SEZ6L: variants seen among roughly 807,000 people sequenced by gnomAD.
SEZ6L encodes seizure 6-like protein.
SEZ6L carries 37 observed loss-of-function variants against 106.2 expected under a neutral mutation model. The observed-to-expected ratio is 0.35, with a 90% CI of 0.27 to 0.46. SEZ6L has a LOEUF of 0.46. Ranked by LOEUF, SEZ6L falls within the 20% of genes least tolerant of loss-of-function variation. SEZ6L has a pLI of 1.00. For missense variants in SEZ6L, 1,172 were observed against 1,332.8 expected (o/e 0.88, Z 1.88); for synonymous variants, 541 against 570.4 (o/e 0.95, Z 0.73).
At chr22:26,294,484 A>G in intron 3 of SEZ6L, 59 bp downstream of exon 3, 1 of 1,560,716 alleles carries the variant, frequency 6.4e-7, no homozygotes. Context: ...TCTCAGGAGG[A>G]TTGTCTGAGT....
intron 1 of SEZ6L, among the ~76,000 whole-genome samples, chr22:26,226,458 C>T (rs191434067): frequency 4.6e-5 from 7 of 152,312 alleles, no homozygotes; most frequent in Non-Finnish European, 8.8e-5. Flanking sequence ...CTGTTGCTCC[C>T]AAACACCCTT....
At chr22:26,288,915 C>CAA (rs142640451) in intron 1 of SEZ6L, among the ~76,000 whole-genome samples, 3 of 150,886 alleles carry the variant, frequency 2.0e-5, no homozygotes, top group African/African-American at 4.9e-5. Flanking sequence ...CCAGATAACC[C>CAA]AAAAAAAAAC....
At position 26,372,477 on chromosome 22, in the gene SEZ6L, T is replaced by G. The variant is rs192690763; in HGVS notation, c.2795-974T>G. 4.5e-4 allele frequency among the ~76,000 whole-genome samples: 69 copies of G among 152,260 alleles called. No individual in the cohort carries two copies. The East Asian group carries it at 0.01, about 23-fold the overall frequency. The stretch of plus-strand genomic sequence containing the variant: ...GTTAGCCAGCTAGCTTTTCAGCTGG[T>G]TTTGTCATCATGGTGTGATGATGGC... On this transcript the variant is annotated intron_variant, in intron 13 of 16. Coordinates refer to ENST00000248933, the MANE Select transcript of SEZ6L (RefSeq NM_021115.5).
At chr22:26,356,336 T>A (rs560229242) in intron 12 of SEZ6L, among the ~76,000 whole-genome samples, 33 of 152,304 alleles carry the variant, frequency 2.2e-4, no homozygotes, top group African/African-American at 6.3e-4. Flanking sequence ...CGGTTTTTTT[T>A]ATTATTAAAT....
chr22:26,360,419 A>G (rs2083576210), intron 12 of SEZ6L, among the ~76,000 whole-genome samples: 1 of 152,254 alleles, frequency 6.6e-6, no homozygotes, highest in Admixed American at 6.5e-5. Context: ...ACATGAAGGC[A>G]GGGACCATGT....
chr22:26,187,427 C>T (rs960840733), intron 1 of SEZ6L, among the ~76,000 whole-genome samples: 1 of 152,198 alleles, frequency 6.6e-6, no homozygotes, highest in African/African-American at 2.4e-5. Context: ...AAATTTCATT[C>T]CACCAAGCCC....
intron 1 of SEZ6L, among the ~76,000 whole-genome samples, chr22:26,240,676 T>C (rs1417456076): frequency 1.3e-5 from 2 of 152,184 alleles, no homozygotes; most frequent in East Asian, 3.8e-4. Flanking sequence ...GTGGAGCACC[T>C]ACTGTGTGCC....
chr22:26,326,161 G>A (rs79929619), intron 9 of SEZ6L, among the ~76,000 whole-genome samples: 1,865 of 152,246 alleles, frequency 0.012, 61 homozygotes, highest in East Asian at 0.097. Flanking sequence ...GCCACGCCAC[G>A]CTCTTCTCGC....
chr22:26,322,311 C>G (rs894098572), intron 9 of SEZ6L, among the ~76,000 whole-genome samples: 3 of 152,174 alleles, frequency 2.0e-5, no homozygotes, highest in Admixed American at 2.0e-4. Context: ...GGAGCACACA[C>G]CGTAGCCTCC....
chr22:26,225,687 G>A (rs2078615117), intron 1 of SEZ6L, among the ~76,000 whole-genome samples: 2 of 152,226 alleles, frequency 1.3e-5, no homozygotes, highest in Non-Finnish European at 2.9e-5. Flanking sequence ...AATCTGGACA[G>A]GAAGTAAATA....
rs2081164736 is a variant in SEZ6L, at chr22:26,292,569, T to C, written c.258T>C (p.Asp86=). Residue 86 remains aspartate, a synonymous_variant, in exon 2 of 17, where the codon GAT becomes GAC. Coordinates refer to ENST00000248933, the MANE Select transcript of SEZ6L (RefSeq NM_021115.5). ...SAEVLGELVL[D]GTAPSAHHDI... The stretch of plus-strand genomic sequence containing the variant: ...AAGTGCTGGGCGAGCTGGTGCTGGA[T>C]GGGACCGCACCCTCTGCACATCACG... 2 of 1,613,838 alleles carry C rather than the reference T, an allele frequency of 1.2e-6. No homozygotes were observed. The highest frequency in any genetic ancestry group is 1.7e-6 in the Non-Finnish European group (2 of 1,179,896).
chr22:26,227,930 C>T (rs1044893222), intron 1 of SEZ6L, among the ~76,000 whole-genome samples: 1 of 152,126 alleles, frequency 6.6e-6, no homozygotes, highest in South Asian at 2.1e-4. Context: ...TAAAAACGTG[C>T]CAATGGCCAC....
intron 1 of SEZ6L, among the ~76,000 whole-genome samples, chr22:26,240,826 G>A (rs1163009912): frequency 6.6e-6 from 1 of 152,202 alleles, no homozygotes; most frequent in African/African-American, 2.4e-5. Context: ...AACACAGAGT[G>A]TTGGAGGGTG....
chr22:26,373,406 T>C (rs1390471968), intron 13 of SEZ6L, 45 bp from the exon 14 acceptor site: 6 of 1,568,762 alleles, frequency 3.8e-6, no homozygotes, highest in Non-Finnish European at 5.2e-6. Flanking sequence ...GCAAACGAAG[T>C]GAATTCACTT....
At chr22:26,224,686 G>A (rs2078584800) in intron 1 of SEZ6L, among the ~76,000 whole-genome samples, 1 of 152,194 alleles carries the variant, frequency 6.6e-6, no homozygotes, top group Non-Finnish European at 1.5e-5. Context: ...TACAGATACA[G>A]GATATGTTTT....
chr22:26,371,877 C>T (rs641922), intron 13 of SEZ6L, among the ~76,000 whole-genome samples: 21,738 of 152,102 alleles, frequency 0.14, 1,955 homozygotes, highest in Non-Finnish European at 0.2. Context: ...TCCTGAGATC[C>T]GTCCCACCAC....
At chr22:26,233,916 C>G (rs1159495170) in intron 1 of SEZ6L, among the ~76,000 whole-genome samples, 3 of 152,140 alleles carry the variant, frequency 2.0e-5, no homozygotes, top group Non-Finnish European at 4.4e-5. Flanking sequence ...AAGATGGTTC[C>G]AGGCAAAGGC....
intron 5 of SEZ6L, 101 bp from the exon 6 acceptor site, chr22:26,305,878 A>G: frequency 4.2e-6 from 5 of 1,189,330 alleles, no homozygotes; most frequent in Non-Finnish European, 4.7e-6. Flanking sequence ...AGAATGAAAC[A>G]CTCACTTCCT....
intron 9 of SEZ6L, among the ~76,000 whole-genome samples, chr22:26,324,400 G>A (rs2082249365): frequency 1.3e-5 from 2 of 152,196 alleles, no homozygotes; most frequent in Non-Finnish European, 2.9e-5. Context: ...ATGATTGATA[G>A]CTGCAGAACA....
Sources: gnomAD v4.1 joint callset for allele counts (sites outside exome capture counted in the v4.1 genomes callset) on GRCh38, gnomAD v4.1.1 for gene constraint, MANE v1.5 for transcripts, NCBI Gene and HGNC (gene_info 2026-07-23, HGNC 2026-07-21) for gene names.